Variants in CEP112 observed in about 807,000 individuals in gnomAD.
The protein encoded by CEP112 is centrosomal protein 112, also known as centrosomal protein of 112 kDa.
CEP112 carries 127 observed loss-of-function variants against 153.0 expected under a neutral mutation model. That is an observed-to-expected ratio of 0.83 (90% CI 0.72 to 0.96). CEP112 has a LOEUF of 0.96. CEP112 is among the 40% of genes least tolerant of loss of function. The probability of loss-of-function intolerance (pLI) is 0.00; values close to 1 mark genes in which losing one functional copy is unlikely to be tolerated. For missense variants in CEP112, 1,089 were observed against 1,101.2 expected (o/e 0.99, Z 0.16); for synonymous variants, 358 against 374.4 (o/e 0.96, Z 0.51).
intron 18 of CEP112, among the ~76,000 whole-genome samples, chr17:65,940,278 C>A (rs2144463064): frequency 6.6e-6 from 1 of 152,302 alleles, no homozygotes. Flanking sequence ...CCCTTGTACA[C>A]TGCTGGTGAG....
At chr17:65,903,201 C>G (rs1003828321) in intron 19 of CEP112, 6 of 152,204 alleles carry the variant, frequency 3.9e-5, no homozygotes, top group Non-Finnish European at 1.5e-5. Flanking sequence ...CTGCTAAGAA[C>G]AGTCACTTGG....
At chr17:65,875,076 A>G (rs922322707) in intron 20 of CEP112, among the ~76,000 whole-genome samples, 1 of 152,088 alleles carries the variant, frequency 6.6e-6, no homozygotes, top group Non-Finnish European at 1.5e-5. Context: ...GTATCAAAAA[A>G]TGTTTTACAG....
chr17:65,713,526 C>T lies in CEP112; in HGVS notation c.2608-24308G>A, dbSNP rs141613668. ...TTCAAATATTTCACAAATAATAGTTCGTTTCAATCCCTCCATTTCTTTAAC... is the reference window on the plus strand; with the variant it reads ...TTCAAATATTTCACAAATAATAGTTTGTTTCAATCCCTCCATTTCTTTAAC... On this transcript the variant is annotated intron_variant, in intron 23 of 26. Transcript: ENST00000535342. Among the ~76,000 whole-genome samples, 59 of 152,264 alleles carry T rather than the reference C, an allele frequency of 3.9e-4. 1 individual carries two copies. Among genetic ancestry groups the T allele is most frequent in the African/African-American group, 1.3e-3 (56 of 41,554 alleles).
At chr17:65,820,393 T>C (rs2056473915) in intron 21 of CEP112, among the ~76,000 whole-genome samples, 2 of 152,138 alleles carry the variant, frequency 1.3e-5, no homozygotes, top group South Asian at 2.1e-4. Context: ...TATTTCTCAT[T>C]GTCACTGCAA....
chr17:65,739,336 T>C (rs1416586520), intron 23 of CEP112, among the ~76,000 whole-genome samples: 1 of 152,246 alleles, frequency 6.6e-6, no homozygotes, highest in Non-Finnish European at 1.5e-5. Flanking sequence ...GATAATTCTT[T>C]TGAAAGGTGT....
At chr17:65,935,528 GT>G (rs944481849) in intron 18 of CEP112, among the ~76,000 whole-genome samples, 3 of 152,098 alleles carry the variant, frequency 2.0e-5, no homozygotes, top group African/African-American at 7.2e-5. Context: ...TACAAAACAA[GT>G]CTTAACAAAT....
At chr17:65,900,939 A>C (rs1277423925) in intron 20 of CEP112, among the ~76,000 whole-genome samples, 1 of 152,200 alleles carries the variant, frequency 6.6e-6, no homozygotes, top group Admixed American at 6.5e-5. Context: ...TGTACTGTAA[A>C]TGTATACCAT....
chr17:66,066,906 T>C (rs1054935288), intron 9 of CEP112, 29 bp from the exon 10 acceptor site: 3 of 1,389,132 alleles, frequency 2.2e-6, no homozygotes, highest in African/African-American at 1.5e-5. Flanking sequence ...TATTTCAGTA[T>C]ATTGTACTAC....
At chr17:65,904,983 C>T (rs568230985) in intron 19 of CEP112, among the ~76,000 whole-genome samples, 2 of 152,248 alleles carry the variant, frequency 1.3e-5, no homozygotes, top group East Asian at 3.9e-4. Context: ...AACGTAAGAC[C>T]TAAACCCATA....
intron 17 of CEP112, among the ~76,000 whole-genome samples, chr17:65,967,098 G>A (rs1317991183): frequency 4.6e-5 from 7 of 152,132 alleles, no homozygotes; most frequent in African/African-American, 1.7e-4. Context: ...TACGATAATA[G>A]CATAAAGAAG....
intron 18 of CEP112, among the ~76,000 whole-genome samples, chr17:65,942,871 A>C (rs1341556403): frequency 6.6e-6 from 1 of 152,238 alleles, no homozygotes; most frequent in Admixed American, 6.5e-5. Flanking sequence ...TTGTGTTATT[A>C]TACTCTAAGT....
At chr17:65,655,066 A>T in intron 24 of CEP112, 1 of 687,656 alleles carries the variant, frequency 1.5e-6, no homozygotes, top group African/African-American at 1.8e-5. Flanking sequence ...CAGAACCAAA[A>T]CCTATGATCA....
intron 20 of CEP112, among the ~76,000 whole-genome samples, chr17:65,898,520 G>A (rs2059734498): frequency 6.6e-6 from 1 of 152,104 alleles, no homozygotes; most frequent in Admixed American, 6.6e-5. Flanking sequence ...AGCTCTTAAT[G>A]TGAATCACTA....
chr17:66,138,926 G>T (rs1489479389), intron 4 of CEP112, among the ~76,000 whole-genome samples: 1 of 151,968 alleles, frequency 6.6e-6, no homozygotes, highest in East Asian at 1.9e-4. Flanking sequence ...AAAACATCTT[G>T]AGACAAATGA....
At chr17:65,716,070 G>A (rs550434864) in intron 23 of CEP112, among the ~76,000 whole-genome samples, 38 of 152,162 alleles carry the variant, frequency 2.5e-4, no homozygotes, top group South Asian at 6.2e-4. Context: ...ATACCAAACC[G>A]AGCACTGGAT....
At chr17:65,784,794 A>G (rs2054187338) in intron 21 of CEP112, among the ~76,000 whole-genome samples, 3 of 152,136 alleles carry the variant, frequency 2.0e-5, no homozygotes, top group Admixed American at 2.0e-4. Flanking sequence ...TCTATTTTTA[A>G]TAACAGCTGT....
At chr17:66,068,641 G>A (rs1250693803) in intron 9 of CEP112, among the ~76,000 whole-genome samples, 2 of 152,036 alleles carry the variant, frequency 1.3e-5, no homozygotes, top group Middle Eastern at 3.2e-3. Context: ...CTTCAAACTA[G>A]TTGCACTGTC....
At chr17:65,756,836 C>T (rs2052314094) in intron 21 of CEP112, among the ~76,000 whole-genome samples, 1 of 152,024 alleles carries the variant, frequency 6.6e-6, no homozygotes, top group Non-Finnish European at 1.5e-5. Flanking sequence ...CCAGATGATG[C>T]CAGAGCTTTC....
intron 20 of CEP112, among the ~76,000 whole-genome samples, chr17:65,888,510 A>G (rs966920433): frequency 6.9e-6 from 1 of 145,678 alleles, no homozygotes; most frequent in African/African-American, 2.5e-5. Flanking sequence ...TTTTTTTTTT[A>G]CCATATATCA....
Sources: gnomAD v4.1 joint callset for allele counts (sites outside exome capture counted in the v4.1 genomes callset) on GRCh38, gnomAD v4.1.1 for gene constraint, MANE v1.5 for transcripts, NCBI Gene and HGNC (gene_info 2026-07-23, HGNC 2026-07-21) for gene names.